CDK14: variants seen among roughly 807,000 people sequenced by gnomAD.
CDK14 encodes cyclin-dependent kinase 14.
Under a neutral mutation model 60.7 loss-of-function variants are expected in CDK14, and 34 were observed. The ratio of observed to expected loss-of-function variants is 0.56; its 90% CI spans 0.43 to 0.75. CDK14 has a LOEUF of 0.75. Ranked by LOEUF, CDK14 falls within the 30% of genes least tolerant of loss-of-function variation. The probability of loss-of-function intolerance (pLI) is 0.00; values close to 1 mark genes in which losing one functional copy is unlikely to be tolerated. For missense variants in CDK14, 482 were observed against 564.1 expected (o/e 0.85, Z 1.47); for synonymous variants, 197 against 203.7 (o/e 0.97, Z 0.28).
intron 14 of CDK14, among the ~76,000 whole-genome samples, chr7:91,175,471 A>T (rs1258989233): frequency 6.6e-6 from 1 of 152,184 alleles, no homozygotes; most frequent in East Asian, 1.9e-4. Context: ...TTAACTTTAA[A>T]TGTAAATGGA....
chr7:90,634,233 C>A (rs1800076451), intron 2 of CDK14, among the ~76,000 whole-genome samples: 1 of 150,490 alleles, frequency 6.6e-6, no homozygotes, highest in Admixed American at 6.6e-5. Context: ...GTGCTGCACC[C>A]ATTAACTCAT....
chr7:90,731,817 T>G (rs1376779955), intron 3 of CDK14, among the ~76,000 whole-genome samples: 1 of 152,200 alleles, frequency 6.6e-6, no homozygotes, highest in African/African-American at 2.4e-5. Context: ...TTTTCCTAAT[T>G]GAATACACTT....
intron 4 of CDK14, among the ~76,000 whole-genome samples, chr7:90,749,519 T>G: frequency 6.9e-6 from 1 of 145,766 alleles, no homozygotes; most frequent in Non-Finnish European, 1.5e-5. Context: ...ATGGTGCAGC[T>G]AGGCCTCTGC....
At chr7:90,680,744 G>A (rs1484697401) in intron 2 of CDK14, among the ~76,000 whole-genome samples, 1 of 152,162 alleles carries the variant, frequency 6.6e-6, no homozygotes, top group African/African-American at 2.4e-5. Context: ...GTCTTTTAAA[G>A]TGGAAAAGAA....
chr7:90,740,946 A>G (rs2116778640), intron 3 of CDK14, among the ~76,000 whole-genome samples: 2 of 152,248 alleles, frequency 1.3e-5, no homozygotes, highest in Middle Eastern at 6.8e-3. Flanking sequence ...TTATATATTT[A>G]TATTAGAGTA....
chr7:91,002,874 C>A lies in CDK14; in HGVS notation c.1041+18633C>A, dbSNP rs1409004462. Among the ~76,000 whole-genome samples the A allele has an allele frequency of 2.6e-5, 4 of 152,050 alleles. No homozygotes were observed. In the East Asian group the frequency reaches 7.7e-4, roughly 29 times the overall value. ...GATCACCAGGTCAGGAGATCGAGAC[C>A]ATCCTGGCTAACACGGTGAAACCCT... On this transcript the variant is annotated intron_variant, in intron 10 of 14. Coordinates refer to ENST00000380050, the MANE Select transcript of CDK14 (RefSeq NM_001287135.2).
chr7:90,604,131 C>T, intron 1 of CDK14, 87 bp from the exon 2 acceptor site: 1 of 834,272 alleles, frequency 1.2e-6, no homozygotes, highest in South Asian at 1.7e-5. Flanking sequence ...AAACACCATA[C>T]TGCCTTGTTT....
At chr7:91,032,219 G>C (rs1796782246) in intron 10 of CDK14, among the ~76,000 whole-genome samples, 1 of 152,162 alleles carries the variant, frequency 6.6e-6, no homozygotes, top group African/African-American at 2.4e-5. Flanking sequence ...TAGTAAACCA[G>C]CTTATGAGAA....
intron 11 of CDK14, among the ~76,000 whole-genome samples, chr7:91,059,051 G>A (rs974734637): frequency 6.6e-6 from 1 of 152,136 alleles, no homozygotes; most frequent in African/African-American, 2.4e-5. Context: ...GTTTTGGTTG[G>A]TAAGCTATTA....
chr7:91,132,000 T>TGTTGGTTGGTTG (rs3038327), intron 14 of CDK14, among the ~76,000 whole-genome samples: 104 of 150,764 alleles, frequency 6.9e-4, no homozygotes, highest in Non-Finnish European at 1.1e-3. Flanking sequence ...GAAGTTTTTT[T>TGTTGGTTGGTTG]GTTGGTTGGT....
rs1170581524 is a variant in CDK14 at position 90,726,776 on chromosome 7, G to C, written c.333G>C (p.Glu111Asp). The stretch of plus-strand genomic sequence containing the variant: ...TTAAGACCTCCTCCACTGGCAAAGA[G>C]TCACCTAAAGTTAGGCGGCACTCCA... ...INFKTSSTGK[E>D]SPKVRRHSSP... The change falls in exon 3 of 15, where the codon GAG becomes GAC. Residue 111 changes from glutamate to aspartate, a missense_variant. Physicochemically the swap from Glu to Asp is conservative, Grantham distance 45. Coordinates refer to ENST00000380050, the MANE Select transcript of CDK14 (RefSeq NM_001287135.2). The C allele has an allele frequency of 6.2e-7, 1 of 1,613,654 alleles. No homozygotes were observed. Among genetic ancestry groups the C allele is most frequent in the Admixed American group, 1.7e-5 (1 of 59,944 alleles).
chr7:91,152,610 ACTATGTG>A (rs1177853490), intron 14 of CDK14, among the ~76,000 whole-genome samples: 1 of 152,190 alleles, frequency 6.6e-6, no homozygotes, highest in East Asian at 1.9e-4. Flanking sequence ...TTTATTGAGT[ACTATGTG>A]CTATGTGCTG....
chr7:90,629,797 T>C (rs17865233), intron 2 of CDK14, among the ~76,000 whole-genome samples: 4,237 of 152,140 alleles, frequency 0.028, 87 homozygotes, highest in Non-Finnish European at 0.042. Flanking sequence ...GAGGCCGAGG[T>C]GGGTGGATCA....
At chr7:90,664,631 C>A (rs1390447108) in intron 2 of CDK14, among the ~76,000 whole-genome samples, 1 of 152,130 alleles carries the variant, frequency 6.6e-6, no homozygotes, top group Non-Finnish European at 1.5e-5. Context: ...GAGTTCATGT[C>A]CTTTGTAGGG....
intron 14 of CDK14, among the ~76,000 whole-genome samples, chr7:91,152,396 C>A (rs1414695557): frequency 6.6e-6 from 1 of 152,124 alleles, no homozygotes; most frequent in African/African-American, 2.4e-5. Context: ...AGCTATCTGG[C>A]AAAGCTAAGT....
At chr7:91,033,047 G>T (rs553298427) in intron 10 of CDK14, among the ~76,000 whole-genome samples, 2 of 152,144 alleles carry the variant, frequency 1.3e-5, no homozygotes, top group Non-Finnish European at 2.9e-5. Flanking sequence ...AGCAATTTGG[G>T]CATGCCTATG....
At chr7:90,604,724 T>G (rs1799382006) in intron 2 of CDK14, among the ~76,000 whole-genome samples, 1 of 152,220 alleles carries the variant, frequency 6.6e-6, no homozygotes, top group Non-Finnish European at 1.5e-5. Flanking sequence ...TCTTTGTATA[T>G]CAGATCCGTC....
chr7:90,918,566 C>T (rs1350225167), intron 8 of CDK14, among the ~76,000 whole-genome samples: 1 of 152,200 alleles, frequency 6.6e-6, no homozygotes, highest in East Asian at 1.9e-4. Flanking sequence ...ATTCTGAGCA[C>T]CACGGGATGC....
intron 2 of CDK14, among the ~76,000 whole-genome samples, chr7:90,658,668 T>C (rs1053966791): frequency 6.6e-6 from 1 of 152,246 alleles, no homozygotes; most frequent in Non-Finnish European, 1.5e-5. Context: ...TTCCATCATA[T>C]GGATAGGACA....
Sources: allele counts gnomAD v4.1 joint callset (sites outside exome capture counted in the v4.1 genomes callset), GRCh38; gene constraint gnomAD v4.1.1; transcripts MANE v1.5; gene names NCBI Gene and HGNC (gene_info 2026-07-23, HGNC 2026-07-21).